The following PTPRD variants were observed in gnomAD, a reference collection of about 807,000 sequenced individuals.
PTPRD encodes receptor-type tyrosine-protein phosphatase delta.
In PTPRD, 34 loss-of-function variants were observed where a neutral mutation model predicts 214.5. The observed-to-expected ratio is 0.16, with a 90% confidence interval of 0.12 to 0.21. The LOEUF is 0.21. PTPRD is among the 10% of genes least tolerant of loss of function. PTPRD has a pLI of 1.00. For synonymous variants in PTPRD, 1,128 were observed against 845.7 expected, an observed-to-expected ratio of 1.33 and a Z score of -5.79; for missense variants, 2,545 against 2,398.7, an observed-to-expected ratio of 1.06 and a Z score of -1.27.
chr9:9,865,009 TAAAC>T (rs996805419), intron 5 of PTPRD, among the ~76,000 whole-genome samples: 9 of 152,068 alleles, frequency 5.9e-5, no homozygotes, highest in Non-Finnish European at 1.3e-4. Context: ...TATTAAAACA[TAAAC>T]AAAAATACCT....
intron 11 of PTPRD, among the ~76,000 whole-genome samples, chr9:8,889,526 G>C (rs780148484): frequency 2.0e-4 from 31 of 152,046 alleles, no homozygotes; most frequent in Admixed American, 2.0e-3. Flanking sequence ...GGATAAGTTC[G>C]TTAGTGATGA....
intron 14 of PTPRD, among the ~76,000 whole-genome samples, chr9:8,613,606 C>T (rs2095520556): frequency 6.6e-6 from 1 of 152,130 alleles, no homozygotes; most frequent in Non-Finnish European, 1.5e-5. Flanking sequence ...AAAATGATCA[C>T]TCACCTCTAC....
At chr9:9,287,259 T>A (rs1949788304) in intron 9 of PTPRD, among the ~76,000 whole-genome samples, 1 of 151,608 alleles carries the variant, frequency 6.6e-6, no homozygotes, top group Non-Finnish European at 1.5e-5. Flanking sequence ...AGTATAGGAA[T>A]GTTGGCATAA....
chr9:9,462,731 C>T (rs2093772022), intron 8 of PTPRD, among the ~76,000 whole-genome samples: 1 of 152,008 alleles, frequency 6.6e-6, no homozygotes, highest in Admixed American at 6.6e-5. Flanking sequence ...AATCACCTAA[C>T]AGGGAAAAAT....
intron 39 of PTPRD, among the ~76,000 whole-genome samples, chr9:8,373,804 TTATGTATGTATGTATGTATGTATG>T (rs778163862): frequency 7.9e-6 from 1 of 126,912 alleles, no homozygotes; most frequent in Non-Finnish European, 1.6e-5. Context: ...ATTTTAAAAA[TTATGTATGTATGTATGTATGTATG>T]TATGTATGTA....
chr9:10,116,995 T>A (rs914628263), intron 3 of PTPRD, among the ~76,000 whole-genome samples: 10 of 152,160 alleles, frequency 6.6e-5, no homozygotes, highest in African/African-American at 2.2e-4. Context: ...CATTCTTCCA[T>A]ACAATCTTGC....
At chr9:8,826,604 A>G (rs2097179854) in intron 11 of PTPRD, among the ~76,000 whole-genome samples, 1 of 149,434 alleles carries the variant, frequency 6.7e-6, no homozygotes, top group African/African-American at 2.5e-5. Flanking sequence ...AATGTACAAG[A>G]CCAAGATTCC....
At chr9:10,586,645 A>G (rs938756809) in intron 2 of PTPRD, among the ~76,000 whole-genome samples, 85 of 152,268 alleles carry the variant, frequency 5.6e-4, no homozygotes, top group African/African-American at 2.0e-3. Context: ...AGACTTTCTC[A>G]GAAAGTAAAA....
chr9:8,372,509 C>A (rs1388391876), intron 39 of PTPRD, among the ~76,000 whole-genome samples: 2 of 152,040 alleles, frequency 1.3e-5, no homozygotes, highest in African/African-American at 4.8e-5. Flanking sequence ...CAAAGGCATA[C>A]AGCCAGTAAG....
intron 5 of PTPRD, among the ~76,000 whole-genome samples, chr9:9,803,470 T>C (rs1056295463): frequency 6.6e-6 from 1 of 151,930 alleles, no homozygotes; most frequent in Non-Finnish European, 1.5e-5. Flanking sequence ...CCAACAATAG[T>C]TTTTCTGCAT....
At chr9:9,396,475 AT>A (rs928105406) in intron 9 of PTPRD, among the ~76,000 whole-genome samples, 2 of 151,950 alleles carry the variant, frequency 1.3e-5, no homozygotes, top group African/African-American at 4.8e-5. Context: ...GGCTTTTAAT[AT>A]TTTTTTCCAA....
chr9:10,550,900 C>T (rs2061200491), intron 2 of PTPRD, among the ~76,000 whole-genome samples: 3 of 152,170 alleles, frequency 2.0e-5, no homozygotes, highest in Non-Finnish European at 2.9e-5. Flanking sequence ...TGGCATGGTT[C>T]CCATGGCCTT....
intron 5 of PTPRD, among the ~76,000 whole-genome samples, chr9:9,821,512 T>C (rs2050721890): frequency 6.6e-6 from 1 of 152,194 alleles, no homozygotes; most frequent in Admixed American, 6.6e-5. Context: ...CTGTCATGTT[T>C]TGTATAGAGA....
At chr9:9,267,447 C>T (rs760437179) in intron 9 of PTPRD, among the ~76,000 whole-genome samples, 1 of 151,174 alleles carries the variant, frequency 6.6e-6, no homozygotes, top group Non-Finnish European at 1.5e-5. Flanking sequence ...GACCTCATGG[C>T]CTCACTGGTG....
intron 7 of PTPRD, among the ~76,000 whole-genome samples, chr9:9,615,586 C>A (rs951225716): frequency 6.6e-6 from 1 of 152,142 alleles, no homozygotes; most frequent in South Asian, 2.1e-4. Context: ...TTAAAGTACT[C>A]CCTCTTTAAC....
In PTPRD at chr9:8,874,204, G is replaced by T. The variant is rs139751296; in HGVS notation, c.-103-140258C>A. On this transcript the variant is annotated intron_variant, in intron 11 of 45. Coordinates refer to ENST00000381196, the MANE Select transcript of PTPRD (RefSeq NM_002839.4). ...ACGGTAATGAAACTGATGGCCCATG[G>T]TTCAGTGACTTGCCCATAACTTGCA... Among the ~76,000 whole-genome samples, 965 of 152,222 alleles carry T rather than the reference G, an allele frequency of 6.3e-3. 3 individuals are homozygous for T. Among genetic ancestry groups the T allele is most frequent in the Non-Finnish European group, 0.011 (755 of 67,998 alleles).
chr9:8,517,766 G>C (rs2097809561), intron 21 of PTPRD, 82 bp downstream of exon 21: 2 of 1,194,928 alleles, frequency 1.7e-6, no homozygotes, highest in African/African-American at 1.5e-5. Context: ...TACCATCTTT[G>C]TTCCTTCTTT....
At chr9:9,353,713 A>T (rs1321458132) in intron 9 of PTPRD, among the ~76,000 whole-genome samples, 1 of 151,920 alleles carries the variant, frequency 6.6e-6, no homozygotes, top group African/African-American at 2.4e-5. Flanking sequence ...AAAACAGAGA[A>T]ATAAAAACAA....
chr9:8,746,265 A>G (rs1305878712), intron 11 of PTPRD, among the ~76,000 whole-genome samples: 2 of 152,200 alleles, frequency 1.3e-5, no homozygotes, highest in African/African-American at 4.8e-5. Context: ...TGAGGGCAAC[A>G]TGGCCATATT....
Sources: allele counts gnomAD v4.1 joint callset (sites outside exome capture counted in the v4.1 genomes callset), GRCh38; gene constraint gnomAD v4.1.1; transcripts MANE v1.5; gene names NCBI Gene and HGNC (gene_info 2026-07-23, HGNC 2026-07-21).